Variants in COL23A1 observed in about 807,000 individuals in gnomAD.
COL23A1 encodes collagen type XXIII alpha 1 chain, also known as collagen alpha-1(XXIII) chain.
Under a neutral mutation model 99.3 loss-of-function variants are expected in COL23A1, and 97 were observed. The observed-to-expected ratio is 0.98, with a 90% CI of 0.83 to 1.16. The LOEUF (loss-of-function observed/expected upper bound fraction) is 1.16. Among genes scored for constraint, COL23A1 ranks in the 50% most tolerant of loss-of-function variants. The pLI is 0.00. For missense variants in COL23A1, 762 were observed against 757.4 expected, an observed-to-expected ratio of 1.01 and a Z score of -0.07; for synonymous variants, 320 against 308.2, an observed-to-expected ratio of 1.04 and a Z score of -0.40.
intron 1 of COL23A1, among the ~76,000 whole-genome samples, chr5:178,581,303 T>C (rs1179439383): frequency 6.6e-6 from 1 of 152,182 alleles, no homozygotes; most frequent in African/African-American, 2.4e-5. Context: ...TGGTGGCTCA[T>C]GCCTGTAATC....
chr5:178,372,177 G>A (rs926767950), intron 2 of COL23A1, among the ~76,000 whole-genome samples: 2 of 152,220 alleles, frequency 1.3e-5, no homozygotes, highest in African/African-American at 4.8e-5. Flanking sequence ...TCCAAAGACG[G>A]GGCTGACGCA....
At chr5:178,433,318 T>G (rs1043915252) in intron 2 of COL23A1, among the ~76,000 whole-genome samples, 3 of 152,064 alleles carry the variant, frequency 2.0e-5, no homozygotes, top group African/African-American at 7.2e-5. Flanking sequence ...ATTTACCAGC[T>G]TAGAAAGAAT....
chr5:178,324,668 C>T (rs1021677156), intron 2 of COL23A1, among the ~76,000 whole-genome samples: 2 of 152,216 alleles, frequency 1.3e-5, no homozygotes, highest in Admixed American at 6.5e-5. Flanking sequence ...GCTGGGGTTC[C>T]GCCCCAGGTG....
chr5:178,372,693 C>A (rs189477129), intron 2 of COL23A1, among the ~76,000 whole-genome samples: 3 of 152,014 alleles, frequency 2.0e-5, no homozygotes, highest in African/African-American at 4.8e-5. Context: ...CCGTCTCAGC[C>A]TCCCGTGTAG....
In COL23A1 at chr5:178,355,205, C is replaced by T. The variant is rs181631257; in HGVS notation, c.362-48286G>A. 2.4e-3 allele frequency among the ~76,000 whole-genome samples: 369 copies of T among 152,098 alleles called. 2 individuals are homozygous for T. The highest frequency in any genetic ancestry group is 0.014 in the Middle Eastern group (4 of 294). On this transcript the variant is annotated intron_variant, in intron 2 of 28. Coordinates refer to ENST00000390654, the MANE Select transcript of COL23A1 (RefSeq NM_173465.4). ...TATATGCAAATACTACACATTTTAC[C>T]AGGAATTCAAGGCTGCAGTGAGCTA...
At chr5:178,469,297 G>A (rs963785453) in intron 2 of COL23A1, among the ~76,000 whole-genome samples, 1 of 152,112 alleles carries the variant, frequency 6.6e-6, no homozygotes, top group African/African-American at 2.4e-5. Flanking sequence ...AACATGATTA[G>A]GCAGGAGCTT....
rs1756854443 is a variant in COL23A1, at chr5:178,280,756, G to A, written c.441+7568C>T. Among the ~76,000 whole-genome samples, 2 of 152,124 alleles carry A rather than the reference G, an allele frequency of 1.3e-5. No homozygotes were observed. Among genetic ancestry groups the A allele is most frequent in the South Asian group, 4.1e-4 (2 of 4,828 alleles). On this transcript the variant is annotated intron_variant, in intron 5 of 28. Transcript: ENST00000390654. The surrounding 1 kb of genome is among the most constrained non-coding windows in gnomAD (Gnocchi z 4.9). The stretch of plus-strand genomic sequence containing the variant: ...AAGCGCAGGACCAACCCCCTCTGCT[G>A]GGCCCCCTACACTGCTGTCCCTGCT...
Position 178,299,001 on chromosome 5 carries a change from T to C in COL23A1, c.406+7874A>G, listed in dbSNP as rs149041427. Among the ~76,000 whole-genome samples, 116 of 152,364 alleles carry C rather than the reference T, an allele frequency of 7.6e-4. No individual in the cohort carries two copies. The East Asian group carries it at 0.021, about 28-fold the overall frequency. ...ATTGATTTTGGATATTAAACCAACA[T>C]TGAATTTTTGGGTTAAATCCCACTT... On this transcript the variant is annotated intron_variant, in intron 3 of 28. Transcript: ENST00000390654.
At chr5:178,469,259 C>T (rs1026033113) in intron 2 of COL23A1, among the ~76,000 whole-genome samples, 25 of 152,112 alleles carry the variant, frequency 1.6e-4, no homozygotes, top group African/African-American at 5.8e-4. Context: ...TGGGGGTATA[C>T]CTAGGAGGGG....
intron 1 of COL23A1, among the ~76,000 whole-genome samples, chr5:178,587,417 A>G (rs1764059167): frequency 6.6e-6 from 1 of 152,216 alleles, no homozygotes; most frequent in Admixed American, 6.5e-5. Context: ...CAAGGGAACA[A>G]AGAGAGTGGG....
chr5:178,248,122 A>G (rs1764811437), intron 20 of COL23A1, 70 bp downstream of exon 20: 1 of 1,199,872 alleles, frequency 8.3e-7, no homozygotes, highest in Non-Finnish European at 1.2e-6. Context: ...TTTTTGTCCC[A>G]AGGCTCAGGG....
intron 2 of COL23A1, among the ~76,000 whole-genome samples, chr5:178,525,698 G>C (rs1760264074): frequency 7.1e-6 from 1 of 140,892 alleles, no homozygotes; most frequent in Admixed American, 7.3e-5. Context: ...TCACATGGCT[G>C]GTAAGAAATG....
At chr5:178,244,136 T>A (rs560258459) in intron 25 of COL23A1, among the ~76,000 whole-genome samples, 1 of 133,340 alleles carries the variant, frequency 7.5e-6, no homozygotes, top group South Asian at 2.7e-4. Flanking sequence ...CCCGCCACCA[T>A]GCCTGGCTAA....
chr5:178,429,588 C>A (rs1001899548), intron 2 of COL23A1, among the ~76,000 whole-genome samples: 6 of 152,236 alleles, frequency 3.9e-5, no homozygotes, highest in African/African-American at 1.4e-4. Flanking sequence ...TCACTCCCTT[C>A]TTTTCATGCG....
chr5:178,542,608 T>C (rs1004918393), intron 2 of COL23A1, among the ~76,000 whole-genome samples: 1 of 150,844 alleles, frequency 6.6e-6, no homozygotes, highest in Non-Finnish European at 1.5e-5. Flanking sequence ...TGAAAACTAC[T>C]GGTGTGGAAA....
At chr5:178,379,284 T>C (rs1011048626) in intron 2 of COL23A1, among the ~76,000 whole-genome samples, 7 of 152,080 alleles carry the variant, frequency 4.6e-5, no homozygotes, top group Non-Finnish European at 8.8e-5. Context: ...AGGTATCTCA[T>C]GAGTCAGCAC....
intron 2 of COL23A1, among the ~76,000 whole-genome samples, chr5:178,457,813 T>A (rs997563374): frequency 1.3e-5 from 2 of 152,138 alleles, no homozygotes; most frequent in Non-Finnish European, 2.9e-5. Flanking sequence ...GAGTAAAAGA[T>A]CATGTTAAGT....
intron 1 of COL23A1, among the ~76,000 whole-genome samples, chr5:178,587,939 T>C (rs1764083293): frequency 1.3e-5 from 2 of 152,144 alleles, no homozygotes; most frequent in Non-Finnish European, 2.9e-5. Context: ...CCAACTGCAT[T>C]CATACTGCAC....
intron 2 of COL23A1, among the ~76,000 whole-genome samples, chr5:178,425,277 C>G (rs1037064133): frequency 3.3e-5 from 5 of 151,864 alleles, no homozygotes; most frequent in Admixed American, 6.6e-5. Context: ...ACAAAATTAG[C>G]CGGGCATGGT....
Sources: gnomAD v4.1 joint callset for allele counts (sites outside exome capture counted in the v4.1 genomes callset) on GRCh38, gnomAD v4.1.1 for gene constraint, Gnocchi (gnomAD v3.1) non-coding constraint, MANE v1.5 for transcripts, NCBI Gene and HGNC (gene_info 2026-07-23, HGNC 2026-07-21) for gene names.